Variants in PLXDC2 observed in about 807,000 individuals in gnomAD.
PLXDC2 encodes plexin domain containing 2, also known as plexin domain-containing protein 2.
Under a neutral mutation model 68.9 loss-of-function variants are expected in PLXDC2, and 40 were observed. The observed-to-expected ratio is 0.58, with a 90% CI of 0.45 to 0.76. PLXDC2 has a LOEUF of 0.76. Among genes scored for constraint, PLXDC2 ranks in the 30% least tolerant of loss-of-function variants. The pLI is 0.00. For missense variants in PLXDC2, 644 were observed against 661.9 expected, an observed-to-expected ratio of 0.97 and a Z score of 0.30; for synonymous variants, 243 against 234.2, an observed-to-expected ratio of 1.04 and a Z score of -0.34.
chr10:20,229,009 C>A (rs1214679343), intron 12 of PLXDC2, among the ~76,000 whole-genome samples: 1 of 152,038 alleles, frequency 6.6e-6, no homozygotes, highest in African/African-American at 2.4e-5. Context: ...AAATTGGAGT[C>A]CACAAGGACA....
chr10:19,974,239 G>C (rs1392777567), intron 1 of PLXDC2, among the ~76,000 whole-genome samples: 3 of 152,194 alleles, frequency 2.0e-5, no homozygotes, highest in Admixed American at 2.0e-4. Flanking sequence ...TCAGGAAGTA[G>C]GTAAGTGGCC....
chr10:20,033,543 TCACAATCACGG>T (rs763372277), intron 2 of PLXDC2, among the ~76,000 whole-genome samples: 2 of 152,100 alleles, frequency 1.3e-5, no homozygotes, highest in Non-Finnish European at 2.9e-5. Flanking sequence ...TGAGGAAGCC[TCACAATCACGG>T]CACAATCACG....
chr10:19,860,827 C>G (rs1056979751), intron 1 of PLXDC2, among the ~76,000 whole-genome samples: 2 of 152,064 alleles, frequency 1.3e-5, no homozygotes, highest in Admixed American at 6.6e-5. Flanking sequence ...TGTACATAGT[C>G]TTCAGTACCA....
intron 4 of PLXDC2, among the ~76,000 whole-genome samples, chr10:20,095,732 G>A (rs547038269): frequency 2.4e-4 from 36 of 152,226 alleles, no homozygotes; most frequent in Non-Finnish European, 3.4e-4. Context: ...TTAGGCAGAC[G>A]AGTTGTGAGG....
intron 13 of PLXDC2, among the ~76,000 whole-genome samples, chr10:20,277,586 A>G (rs1442901738): frequency 6.6e-6 from 1 of 152,214 alleles, no homozygotes; most frequent in Non-Finnish European, 1.5e-5. Context: ...ATGTGAGATA[A>G]CATCTCCTAT....
intron 9 of PLXDC2, among the ~76,000 whole-genome samples, chr10:20,196,797 G>A (rs1193966853): frequency 1.3e-5 from 2 of 152,096 alleles, no homozygotes; most frequent in Non-Finnish European, 2.9e-5. Context: ...ACTATTTCAC[G>A]TTCAAACAGT....
chr10:19,906,825 G>A (rs1833170189), intron 1 of PLXDC2, among the ~76,000 whole-genome samples: 1 of 152,030 alleles, frequency 6.6e-6, no homozygotes, highest in African/African-American at 2.4e-5. Context: ...TGACATTTGG[G>A]CATTATTGTT....
At chr10:20,272,614 C>T (rs191206743) in intron 13 of PLXDC2, among the ~76,000 whole-genome samples, 11 of 152,046 alleles carry the variant, frequency 7.2e-5, no homozygotes, top group Admixed American at 2.0e-4. Context: ...CTATGTGTTC[C>T]CAAGTACAGG....
At chr10:20,106,673 G>A (rs1412772506) in intron 4 of PLXDC2, among the ~76,000 whole-genome samples, 1 of 151,872 alleles carries the variant, frequency 6.6e-6, no homozygotes, top group Non-Finnish European at 1.5e-5. Flanking sequence ...GTTTTCTTTG[G>A]CCAGAACTCT....
intron 1 of PLXDC2, among the ~76,000 whole-genome samples, chr10:19,884,804 A>T: frequency 1.3e-5 from 2 of 152,200 alleles, no homozygotes. Flanking sequence ...ATAGTGCCGC[A>T]GTAAATATAT....
intron 4 of PLXDC2, among the ~76,000 whole-genome samples, chr10:20,125,487 A>G (rs1210837290): frequency 6.6e-6 from 1 of 152,188 alleles, no homozygotes; most frequent in Non-Finnish European, 1.5e-5. Flanking sequence ...GGACCAGACT[A>G]CTAAAACATC....
At chr10:20,020,129 A>G (rs10827931) in intron 2 of PLXDC2, among the ~76,000 whole-genome samples, 37,166 of 148,446 alleles carry the variant, frequency 0.25, 4,990 homozygotes, top group East Asian at 0.39. Flanking sequence ...CTCCTGCCTT[A>G]GCCTCCTGAA....
At chr10:19,937,060 A>G (rs1446945558) in intron 1 of PLXDC2, among the ~76,000 whole-genome samples, 3 of 152,080 alleles carry the variant, frequency 2.0e-5, no homozygotes, top group Non-Finnish European at 4.4e-5. Flanking sequence ...TTGCTCTCCA[A>G]TGACATTGAG....
intron 1 of PLXDC2, among the ~76,000 whole-genome samples, chr10:19,837,732 G>T (rs1836826251): frequency 6.6e-6 from 1 of 152,136 alleles, no homozygotes; most frequent in African/African-American, 2.4e-5. Flanking sequence ...AGTCTGCAGT[G>T]ATCGTTCAGT....
At chr10:20,234,291 G>T (rs1006231966) in intron 12 of PLXDC2, among the ~76,000 whole-genome samples, 2 of 152,142 alleles carry the variant, frequency 1.3e-5, no homozygotes, top group Admixed American at 6.5e-5. Flanking sequence ...AACAGGTCAG[G>T]TCAGGACCAG....
At chr10:20,205,860 G>A (rs1233332748) in intron 9 of PLXDC2, among the ~76,000 whole-genome samples, 2 of 152,040 alleles carry the variant, frequency 1.3e-5, no homozygotes, top group African/African-American at 4.8e-5. Context: ...CAGTTAGGAG[G>A]AATAAGTTTC....
Position 20,118,228 on chromosome 10 carries a change from G to A in PLXDC2, c.542-25067G>A, listed in dbSNP as rs566916706. On this transcript the variant is annotated intron_variant, in intron 4 of 13. Coordinates refer to ENST00000377252, the MANE Select transcript of PLXDC2 (RefSeq NM_032812.9). ...ATAGGGTGAGTTTTTCTTTCAGTTT[G>A]CAGTGTCTTATGTGTTCAAATCGTA... 5.9e-5 allele frequency among the ~76,000 whole-genome samples: 9 copies of A among 151,974 alleles called. No individual in the cohort carries two copies. In the East Asian group the frequency reaches 1.7e-3, roughly 29 times the overall value.
Position 20,272,034 on chromosome 10 carries a change from C to T in PLXDC2, c.1474-7669C>T, listed in dbSNP as rs147327464. Among the ~76,000 whole-genome samples, 1,367 of 152,144 alleles carry T rather than the reference C, an allele frequency of 9.0e-3. 10 individuals are homozygous for T. The highest frequency in any genetic ancestry group is 0.015 in the Non-Finnish European group (1,031 of 68,020). On this transcript the variant is annotated intron_variant, in intron 13 of 13. Transcript: ENST00000377252. ...GAATGCATTATCACACAGTCATGCTCGGTTTGAACAACAAAGTGGCCAATA... is the reference window on the plus strand; with the variant it reads ...GAATGCATTATCACACAGTCATGCTTGGTTTGAACAACAAAGTGGCCAATA...
chr10:20,152,023 G>T (rs1408541403), intron 6 of PLXDC2, among the ~76,000 whole-genome samples: 2 of 151,914 alleles, frequency 1.3e-5, no homozygotes, highest in African/African-American at 4.8e-5. Flanking sequence ...AATAAATTTA[G>T]TTAAGTAAAT....
Sources: allele counts gnomAD v4.1 joint callset (sites outside exome capture counted in the v4.1 genomes callset), GRCh38; gene constraint gnomAD v4.1.1; transcripts MANE v1.5; gene names NCBI Gene and HGNC (gene_info 2026-07-23, HGNC 2026-07-21).